The following UBE2E2 variants were observed in gnomAD, a reference collection of about 807,000 sequenced individuals.
UBE2E2 encodes the protein ubiquitin-conjugating enzyme E2 E2.
UBE2E2 carries 6 observed loss-of-function variants against 24.7 expected under a neutral mutation model. That is an observed-to-expected ratio of 0.24 (90% CI 0.13 to 0.48). The LOEUF (loss-of-function observed/expected upper bound fraction) is 0.48, where lower values mean the gene tolerates loss of function less well. Among genes scored for constraint, UBE2E2 ranks in the 20% least tolerant of loss-of-function variants. The pLI, the probability that UBE2E2 is intolerant of heterozygous loss-of-function variation, is 0.99. For missense variants in UBE2E2, 169 were observed against 245.0 expected (o/e 0.69, Z 2.07); for synonymous variants, 104 against 83.6 (o/e 1.24, Z -1.33).
At chr3:23,561,158 C>G (rs998843443) in intron 5 of UBE2E2, among the ~76,000 whole-genome samples, 3 of 152,144 alleles carry the variant, frequency 2.0e-5, no homozygotes, top group African/African-American at 7.2e-5. Context: ...TCCCTATGTC[C>G]TGAATGGTAT....
intron 3 of UBE2E2, among the ~76,000 whole-genome samples, chr3:23,311,889 C>T (rs1318564249): frequency 2.6e-5 from 4 of 152,136 alleles, no homozygotes; most frequent in Non-Finnish European, 2.9e-5. Context: ...TATACTCCTT[C>T]ATATGGTTTG....
At chr3:23,436,351 C>G (rs967250267) in intron 3 of UBE2E2, among the ~76,000 whole-genome samples, 1 of 152,146 alleles carries the variant, frequency 6.6e-6, no homozygotes, top group Non-Finnish European at 1.5e-5. Context: ...TTTCTTCTTG[C>G]CAGAATGACA....
intron 3 of UBE2E2, among the ~76,000 whole-genome samples, chr3:23,350,474 G>C (rs1167547880): frequency 2.6e-5 from 4 of 152,172 alleles, no homozygotes; most frequent in Admixed American, 6.5e-5. Context: ...AGGCAAAGAA[G>C]TAAAAAACTT....
intron 3 of UBE2E2, among the ~76,000 whole-genome samples, chr3:23,468,992 A>G (rs1019906893): frequency 1.3e-5 from 2 of 152,208 alleles, no homozygotes; most frequent in Non-Finnish European, 2.9e-5. Context: ...TTAGCCAATC[A>G]CTGAAATCCC....
chr3:23,420,857 A>G (rs183977979), intron 3 of UBE2E2, among the ~76,000 whole-genome samples: 113 of 152,348 alleles, frequency 7.4e-4, no homozygotes, highest in Non-Finnish European at 1.4e-3. Flanking sequence ...TTAGGCCCAC[A>G]AAACCCCTAA....
At chr3:23,537,120 T>C (rs1002825619) in intron 5 of UBE2E2, among the ~76,000 whole-genome samples, 1 of 152,152 alleles carries the variant, frequency 6.6e-6, no homozygotes, top group Non-Finnish European at 1.5e-5. Context: ...GTGATTTGGC[T>C]CTCTTTTGCT....
chr3:23,551,463 C>T (rs1455420585), intron 5 of UBE2E2, among the ~76,000 whole-genome samples: 2 of 152,182 alleles, frequency 1.3e-5, no homozygotes, highest in Non-Finnish European at 2.9e-5. Flanking sequence ...TAGAAACATG[C>T]AAACAGCTAT....
chr3:23,467,434 C>CT (rs767357257), intron 3 of UBE2E2, among the ~76,000 whole-genome samples: 51 of 152,168 alleles, frequency 3.4e-4, no homozygotes, highest in Non-Finnish European at 6.8e-4. Context: ...GTTTAGAATA[C>CT]TGGGTCTCGA....
At chr3:23,430,683 T>A (rs1005929452) in intron 3 of UBE2E2, among the ~76,000 whole-genome samples, 4 of 152,116 alleles carry the variant, frequency 2.6e-5, no homozygotes, top group African/African-American at 7.2e-5. Flanking sequence ...TGCCCCTGGC[T>A]TATTTACTTA....
intron 3 of UBE2E2, among the ~76,000 whole-genome samples, chr3:23,436,366 A>G (rs986727906): frequency 6.6e-6 from 1 of 152,138 alleles, no homozygotes; most frequent in Non-Finnish European, 1.5e-5. Flanking sequence ...ATGACATGTT[A>G]ACATTTCGTT....
intron 3 of UBE2E2, among the ~76,000 whole-genome samples, chr3:23,297,639 G>T (rs1351002020): frequency 6.6e-6 from 1 of 151,996 alleles, no homozygotes; most frequent in Non-Finnish European, 1.5e-5. Flanking sequence ...CTGTTCCATT[G>T]GTCTATATCT....
At chr3:23,476,680 C>T (rs1036864382) in intron 3 of UBE2E2, among the ~76,000 whole-genome samples, 1 of 151,842 alleles carries the variant, frequency 6.6e-6, no homozygotes, top group Non-Finnish European at 1.5e-5. Context: ...AGAGCAAGAC[C>T]CTGTCTCAAA....
rs139856914 is a variant in UBE2E2, at chr3:23,421,892, G to A, written c.228-77716G>A. 6.5e-4 allele frequency among the ~76,000 whole-genome samples: 99 copies of A among 152,298 alleles called. 5 individuals are homozygous for A. The East Asian group carries it at 0.016, about 24-fold the overall frequency. ...CTAATGGGTACAGTCTTCACTATTC[G>A]GGTGATGGTTATGCAAAACACCATG... On this transcript the variant is annotated intron_variant, in intron 3 of 5. Coordinates refer to ENST00000396703, the MANE Select transcript of UBE2E2 (RefSeq NM_152653.4).
intron 3 of UBE2E2, among the ~76,000 whole-genome samples, chr3:23,330,145 T>C (rs34743949): frequency 0.074 from 11,336 of 152,278 alleles, 546 homozygotes; most frequent in Non-Finnish European, 0.092. Flanking sequence ...TCCTAAAATA[T>C]TCAGAAGTCA....
chr3:23,338,179 A>G (rs1313379627), intron 3 of UBE2E2, among the ~76,000 whole-genome samples: 5 of 152,196 alleles, frequency 3.3e-5, no homozygotes, highest in African/African-American at 1.2e-4. Context: ...TTATTTGTGC[A>G]TTTTATGATC....
chr3:23,355,054 A>G (rs1027514052), intron 3 of UBE2E2, among the ~76,000 whole-genome samples: 1 of 152,036 alleles, frequency 6.6e-6, no homozygotes, highest in African/African-American at 2.4e-5. Flanking sequence ...CAGCCATAAA[A>G]AATGATGAGT....
chr3:23,570,404 C>T (rs1335758045), intron 5 of UBE2E2, among the ~76,000 whole-genome samples: 1 of 152,132 alleles, frequency 6.6e-6, no homozygotes, highest in African/African-American at 2.4e-5. Flanking sequence ...CAGCCCAGCC[C>T]ATTTCCCAGT....
chr3:23,214,657 T>G (rs1284137408), intron 2 of UBE2E2, among the ~76,000 whole-genome samples: 3 of 152,108 alleles, frequency 2.0e-5, no homozygotes, highest in Non-Finnish European at 4.4e-5. Context: ...AGTTTTTTTA[T>G]GTTAAAAATA....
At chr3:23,476,412 A>C (rs1169663244) in intron 3 of UBE2E2, among the ~76,000 whole-genome samples, 1 of 152,108 alleles carries the variant, frequency 6.6e-6, no homozygotes, top group Non-Finnish European at 1.5e-5. Flanking sequence ...AAATTTACTC[A>C]GGCCAGGTGC....
Sources: gnomAD v4.1 joint callset for allele counts (sites outside exome capture counted in the v4.1 genomes callset) on GRCh38, gnomAD v4.1.1 for gene constraint, MANE v1.5 for transcripts, NCBI Gene and HGNC (gene_info 2026-07-23, HGNC 2026-07-21) for gene names.